The following SNX31 variants were observed in gnomAD, a reference collection of about 807,000 sequenced individuals.
SNX31 encodes sorting nexin 31.
Under a neutral mutation model 65.4 loss-of-function variants are expected in SNX31, and 58 were observed. The ratio of observed to expected loss-of-function variants is 0.89; its 90% CI spans 0.72 to 1.10. SNX31 has a LOEUF of 1.10. SNX31 is among the 50% of genes least tolerant of loss of function. The pLI is 0.00. For synonymous variants in SNX31, 181 were observed against 190.1 expected (o/e 0.95, Z 0.39); for missense variants, 523 against 529.7 (o/e 0.99, Z 0.12).
At chr8:100,592,104 T>C (rs1219964919) in intron 10 of SNX31, among the ~76,000 whole-genome samples, 2 of 152,052 alleles carry the variant, frequency 1.3e-5, no homozygotes, top group Non-Finnish European at 2.9e-5. Context: ...ATCAGTAGAA[T>C]TAGATCCAGA....
Position 100,576,714 on chromosome 8 carries a change from C to T in SNX31, c.1227+305G>A, listed in dbSNP as rs1813076615. Among the ~76,000 whole-genome samples, 1 of 151,996 alleles carries T rather than the reference C, an allele frequency of 6.6e-6. No individual in the cohort carries two copies. Among genetic ancestry groups the T allele is most frequent in the Non-Finnish European group, 1.5e-5 (1 of 68,004 alleles). ...AGACCAAAATATACTAGATATGTAA[C>T]ATATACAAATTAGAAAGAGAGTTGC... On this transcript the variant is annotated intron_variant, in intron 13 of 13. Coordinates refer to ENST00000311812, the MANE Select transcript of SNX31 (RefSeq NM_152628.4). This position sits in a 1 kb window ranked among gnomAD's most constrained non-coding sequence, Gnocchi z 4.8.
intron 11 of SNX31, among the ~76,000 whole-genome samples, chr8:100,587,525 T>TAAA (rs1480887796): frequency 4.6e-5 from 7 of 152,240 alleles, no homozygotes; most frequent in Non-Finnish European, 1.0e-4. Flanking sequence ...GCATTAATGG[T>TAAA]ACGTCATGTT....
At chr8:100,596,523 C>T in intron 10 of SNX31, 116 bp downstream of exon 10, 3 of 801,362 alleles carry the variant, frequency 3.7e-6, no homozygotes. Context: ...GCTTAGATGT[C>T]ACTCCACTCA....
At chr8:100,650,767 G>C (rs193248329), upstream of SNX31, among the ~76,000 whole-genome samples, 341 of 152,280 alleles carry the variant, frequency 2.2e-3, 3 homozygotes, top group Non-Finnish European at 3.8e-3. Context: ...GTAGTTAAGA[G>C]AATGGCAACA....
Position 100,637,140 on chromosome 8 carries a change from C to A in SNX31, c.142-1129G>T, listed in dbSNP as rs532549815. Among the ~76,000 whole-genome samples the A allele has an allele frequency of 1.1e-4, 17 of 152,286 alleles. No homozygotes were observed. In the East Asian group the frequency reaches 3.3e-3, roughly 29 times the overall value. On this transcript the variant is annotated intron_variant, in intron 2 of 13. Coordinates refer to ENST00000311812, the MANE Select transcript of SNX31 (RefSeq NM_152628.4). Reference sequence around the variant, plus strand: ...TCTCTCCCACTTACTCATATATGACCCATGACCATGGCAGTAATTATTTTT... The same window carrying A: ...TCTCTCCCACTTACTCATATATGACACATGACCATGGCAGTAATTATTTTT...
At position 100,594,665 on chromosome 8, in the gene SNX31, A is replaced by G. The variant is rs1814899440; in HGVS notation, c.978+1974T>C. On this transcript the variant is annotated intron_variant, in intron 10 of 13. Transcript: ENST00000311812. The surrounding 1 kb of genome is among the most constrained non-coding windows in gnomAD (Gnocchi z 4.0). ...CAACACCAAATGCTGGTGAGAATGC[A>G]GAAAACTGGTTCACTCACACATTGC... Among the ~76,000 whole-genome samples the G allele has an allele frequency of 6.6e-6, 1 of 152,256 alleles. No homozygotes were observed. The highest frequency in any genetic ancestry group is 2.4e-5 in the African/African-American group (1 of 41,476).
At chr8:100,586,620 C>G (rs369732450) in intron 11 of SNX31, among the ~76,000 whole-genome samples, 1 of 152,220 alleles carries the variant, frequency 6.6e-6, no homozygotes, top group Non-Finnish European at 1.5e-5. Context: ...CCTTAGCAAA[C>G]CAGTCTACTA....
chr8:100,610,778 C>T lies in SNX31; in HGVS notation c.611+1222G>A, dbSNP rs907036232. Among the ~76,000 whole-genome samples the T allele has an allele frequency of 1.3e-5, 2 of 152,228 alleles. No homozygotes were observed. Among genetic ancestry groups the T allele is most frequent in the African/African-American group, 4.8e-5 (2 of 41,446 alleles). ...TTCTGAACAGCAGTATATGAACTGC[C>T]TTGCTGGGAATATCCTTCCACAATT... On this transcript the variant is annotated intron_variant, in intron 7 of 13. Coordinates refer to ENST00000311812, the MANE Select transcript of SNX31 (RefSeq NM_152628.4). This position sits in a 1 kb window ranked among gnomAD's most constrained non-coding sequence, Gnocchi z 4.0.
Position 100,576,001 on chromosome 8 carries a change from C to A in SNX31, c.1227+1018G>T, listed in dbSNP as rs1274585780. Reference sequence around the variant, plus strand: ...GTGATTGCCATCTACATTTTACAGACAAAGATATGGAAGTGCAGTATCAGA... The same window carrying A: ...GTGATTGCCATCTACATTTTACAGAAAAAGATATGGAAGTGCAGTATCAGA... On this transcript the variant is annotated intron_variant, in intron 13 of 13. Transcript: ENST00000311812. The surrounding 1 kb of genome is among the most constrained non-coding windows in gnomAD (Gnocchi z 4.8). 6.6e-6 allele frequency among the ~76,000 whole-genome samples: 1 copy of A among 152,122 alleles called. No homozygotes were observed. The highest frequency in any genetic ancestry group is 1.5e-5 in the Non-Finnish European group (1 of 68,034).
In SNX31 at chr8:100,609,902, C is replaced by A. The variant is rs1261627943; in HGVS notation, c.612-1339G>T. On this transcript the variant is annotated intron_variant, in intron 7 of 13. Coordinates refer to ENST00000311812, the MANE Select transcript of SNX31 (RefSeq NM_152628.4). This position sits in a 1 kb window ranked among gnomAD's most constrained non-coding sequence, Gnocchi z 4.9. ...CCATATCATCATCATTGGAGAGATG[C>A]ACCCAGGCATCTCTCCTTAAGGACA... 6.6e-6 allele frequency among the ~76,000 whole-genome samples: 1 copy of A among 152,192 alleles called. No individual in the cohort carries two copies. The highest frequency in any genetic ancestry group is 1.5e-5 in the Non-Finnish European group (1 of 68,024).
intron 10 of SNX31, among the ~76,000 whole-genome samples, chr8:100,590,645 G>A (rs899024316): frequency 1.3e-5 from 2 of 151,938 alleles, no homozygotes; most frequent in Non-Finnish European, 2.9e-5. Context: ...AGCTGGGTAT[G>A]GTGGCTGGTG....
chr8:100,599,851 A>C (rs1327522688), intron 9 of SNX31, among the ~76,000 whole-genome samples: 1 of 152,218 alleles, frequency 6.6e-6, no homozygotes, highest in Non-Finnish European at 1.5e-5. Context: ...CTAAGGAATA[A>C]TAGAACACGT....
intron 11 of SNX31, among the ~76,000 whole-genome samples, chr8:100,584,703 A>G (rs1292115986): frequency 6.6e-6 from 1 of 151,108 alleles, no homozygotes; most frequent in East Asian, 1.9e-4. Context: ...AAAAAAGATC[A>G]GCTGTTTTTC....
At chr8:100,654,890 G>A (rs1820032100) in intron 1 of SNX31, among the ~76,000 whole-genome samples, 1 of 152,178 alleles carries the variant, frequency 6.6e-6, no homozygotes, top group Admixed American at 6.5e-5. Flanking sequence ...GTACACACCT[G>A]TAATCCCAGC....
At chr8:100,633,702 G>A (rs1026692191) in intron 3 of SNX31, among the ~76,000 whole-genome samples, 30 of 152,100 alleles carry the variant, frequency 2.0e-4, no homozygotes, top group Admixed American at 7.9e-4. Flanking sequence ...TGGCTGAGGT[G>A]TGTAAGATTC....
intron 4 of SNX31, chr8:100,618,042 A>G (rs1315316872): frequency 3.1e-6 from 3 of 983,102 alleles, no homozygotes; most frequent in Admixed American, 6.1e-5. Flanking sequence ...TTGGGATTAC[A>G]GGCCTGAGCC....
At chr8:100,582,888 C>A (rs1813681328) in intron 12 of SNX31, among the ~76,000 whole-genome samples, 1 of 150,622 alleles carries the variant, frequency 6.6e-6, no homozygotes, top group Admixed American at 6.6e-5. Context: ...GAGGCTGAGG[C>A]AAGAGAATGG....
chr8:100,589,465 T>C (rs1391786720), intron 10 of SNX31, among the ~76,000 whole-genome samples: 2 of 152,102 alleles, frequency 1.3e-5, no homozygotes, highest in Non-Finnish European at 2.9e-5. Flanking sequence ...CACAGGTCTA[T>C]GGAAGTAAAT....
At chr8:100,596,574 A>G (rs1815110651) in intron 10 of SNX31, 65 bp downstream of exon 10, 3 of 1,394,762 alleles carry the variant, frequency 2.2e-6, no homozygotes, top group East Asian at 4.6e-5. Flanking sequence ...CCTAGTGTCA[A>G]CTTTGTCATC....
Sources: allele counts gnomAD v4.1 joint callset (sites outside exome capture counted in the v4.1 genomes callset), GRCh38; gene constraint gnomAD v4.1.1; non-coding constraint Gnocchi (gnomAD v3.1); transcripts MANE v1.5; gene names NCBI Gene and HGNC (gene_info 2026-07-23, HGNC 2026-07-21).